SUGCT: variants seen among roughly 807,000 people sequenced by gnomAD.
SUGCT encodes succinyl-CoA:glutarate CoA-transferase.
Under a neutral mutation model 55.0 loss-of-function variants are expected in SUGCT, and 41 were observed. The ratio of observed to expected loss-of-function variants is 0.74; its 90% CI spans 0.58 to 0.97. The LOEUF is 0.97. Among genes scored for constraint, SUGCT ranks in the 50% least tolerant of loss-of-function variants. The probability of loss-of-function intolerance (pLI) is 0.00; values close to 1 mark genes in which losing one functional copy is unlikely to be tolerated. For synonymous variants in SUGCT, 187 were observed against 200.4 expected, an observed-to-expected ratio of 0.93 and a Z score of 0.56; for missense variants, 568 against 547.8, an observed-to-expected ratio of 1.04 and a Z score of -0.37.
chr7:41,029,994 G>A, the SUGCT span, among the ~76,000 whole-genome samples: 55 of 152,262 alleles, frequency 3.6e-4, no homozygotes, highest in Middle Eastern at 3.4e-3. Context: ...CAATGTTATA[G>A]AGTTGGACTC....
chr7:40,565,990 C>G (rs1796117369), intron 12 of SUGCT, among the ~76,000 whole-genome samples: 1 of 93,150 alleles, frequency 1.1e-5, no homozygotes, highest in Admixed American at 9.8e-5. Flanking sequence ...CACACACACA[C>G]ACGCACACAC....
At chr7:40,921,565 G>A in the SUGCT span, among the ~76,000 whole-genome samples, 1 of 152,212 alleles carries the variant, frequency 6.6e-6, no homozygotes, top group East Asian at 1.9e-4. Flanking sequence ...TCTTCACCTC[G>A]AAGAACTCCT....
At chr7:40,269,829 G>A (rs138301930) in intron 7 of SUGCT, among the ~76,000 whole-genome samples, 2 of 152,002 alleles carry the variant, frequency 1.3e-5, no homozygotes, top group South Asian at 2.1e-4. Flanking sequence ...TTATTTTTGC[G>A]TTGTAAGTGT....
intron 12 of SUGCT, among the ~76,000 whole-genome samples, chr7:40,666,055 G>A (rs865881776): frequency 6.6e-6 from 1 of 151,990 alleles, no homozygotes; most frequent in Admixed American, 6.6e-5. Flanking sequence ...TCTTGTGGCC[G>A]GAAGGAAAGA....
chr7:40,337,741 C>A (rs1398678608), intron 9 of SUGCT, among the ~76,000 whole-genome samples: 2 of 152,078 alleles, frequency 1.3e-5, no homozygotes, highest in Non-Finnish European at 2.9e-5. Context: ...GTATTTAGCC[C>A]ATTTACATTT....
At chr7:40,808,565 T>G (rs1584471302) in intron 13 of SUGCT, among the ~76,000 whole-genome samples, 1 of 152,208 alleles carries the variant, frequency 6.6e-6, no homozygotes, top group East Asian at 1.9e-4. Context: ...GTCCTTCCAT[T>G]GTCCAAACCT....
rs1442388021 is a variant in SUGCT at position 40,654,004 on chromosome 7, A to AG, written c.1090-95430_1090-95429insG. Among the ~76,000 whole-genome samples the AG allele has an allele frequency of 2.6e-5, 4 of 152,194 alleles. No individual in the cohort carries two copies. In the East Asian group the frequency reaches 7.7e-4, roughly 29 times the overall value. On this transcript the variant is annotated intron_variant, in intron 12 of 13. Coordinates refer to ENST00000335693, the MANE Select transcript of SUGCT (RefSeq NM_001193313.2). ...ACCACAACAACAACAATTAAAAAAA[A>AG]AAAGGATACCAAAAGGATATTTTGC... is the stretch of plus-strand genomic sequence containing the variant.
At chr7:40,812,921 A>G (rs1485384103) in intron 13 of SUGCT, among the ~76,000 whole-genome samples, 4 of 151,866 alleles carry the variant, frequency 2.6e-5, no homozygotes, top group Admixed American at 6.6e-5. Flanking sequence ...TTGTGACTCT[A>G]TTTTCATTTA....
chr7:40,334,736 C>T (rs574908204), intron 9 of SUGCT, among the ~76,000 whole-genome samples: 17 of 152,226 alleles, frequency 1.1e-4, no homozygotes, highest in Non-Finnish European at 2.4e-4. Context: ...TCTTTTGCTG[C>T]GCGGAAGCTC....
chr7:40,261,086 G>A (rs1475482079), intron 7 of SUGCT, among the ~76,000 whole-genome samples: 1 of 152,044 alleles, frequency 6.6e-6, no homozygotes, highest in Non-Finnish European at 1.5e-5. Flanking sequence ...ATGATTTCAG[G>A]GATATAAAGT....
At chr7:40,714,072 G>C (rs865892350) in intron 12 of SUGCT, among the ~76,000 whole-genome samples, 1 of 152,210 alleles carries the variant, frequency 6.6e-6, no homozygotes, top group South Asian at 2.1e-4. Flanking sequence ...GCTCATGCCT[G>C]TAATCCCAGC....
At chr7:40,745,972 G>A (rs998677664) in intron 12 of SUGCT, among the ~76,000 whole-genome samples, 2 of 152,180 alleles carry the variant, frequency 1.3e-5, no homozygotes, top group African/African-American at 4.8e-5. Flanking sequence ...AGAGGTTGGG[G>A]TGTTGGGGCC....
chr7:40,554,312 T>G (rs1049123155), intron 12 of SUGCT, among the ~76,000 whole-genome samples: 5 of 152,202 alleles, frequency 3.3e-5, no homozygotes, highest in Non-Finnish European at 5.9e-5. Flanking sequence ...TAACAACAGA[T>G]CTGGAGAGTT....
intron 11 of SUGCT, among the ~76,000 whole-genome samples, chr7:40,470,893 T>C (rs1457284821): frequency 6.6e-6 from 1 of 152,124 alleles, no homozygotes; most frequent in Non-Finnish European, 1.5e-5. Flanking sequence ...CTATTGTGAA[T>C]TGTTTTTCTT....
At chr7:41,007,763 A>T in the SUGCT span, among the ~76,000 whole-genome samples, 4 of 137,816 alleles carry the variant, frequency 2.9e-5, no homozygotes, top group Non-Finnish European at 4.6e-5. Context: ...AAAGCATGGA[A>T]TTTGCTTTAA....
In SUGCT at chr7:40,274,555, G is replaced by T; in HGVS notation, c.619G>T (p.Ala207Ser). Residue 207 changes from alanine to serine, a missense_variant, in exon 8 of 14, where the codon GCC (alanine) becomes TCC (serine). Ala to Ser is a moderately conservative substitution (Grantham distance 99, BLOSUM62 1). Transcript: ENST00000335693. ...VRPGVAMTDL[A>S]TGLYAYGAIM... is the part of the protein sequence containing the mutation. Reference sequence around the variant, plus strand: ...CCCAGGAGTAGCTATGACTGATCTTGCCACTGGCCTGTATGCATATGGAGC... The same window carrying T: ...CCCAGGAGTAGCTATGACTGATCTTTCCACTGGCCTGTATGCATATGGAGC... 6.2e-7 allele frequency: 1 copy of T among 1,613,670 alleles called. No individual in the cohort carries two copies. Among genetic ancestry groups the T allele is most frequent in the East Asian group, 2.2e-5 (1 of 44,846 alleles).
intron 8 of SUGCT, among the ~76,000 whole-genome samples, chr7:40,279,669 A>T (rs1014734869): frequency 1.3e-5 from 2 of 152,202 alleles, no homozygotes; most frequent in African/African-American, 4.8e-5. Context: ...TAATTATGAT[A>T]ACGTTTCATA....
intron 9 of SUGCT, among the ~76,000 whole-genome samples, chr7:40,344,361 TTTCGA>T (rs1797206426): frequency 6.6e-6 from 1 of 152,182 alleles, no homozygotes; most frequent in African/African-American, 2.4e-5. Context: ...TTTATTTCAT[TTTCGA>T]TATTGCAGGG....
intron 12 of SUGCT, among the ~76,000 whole-genome samples, chr7:40,519,127 C>T (rs1328867117): frequency 6.6e-6 from 1 of 151,946 alleles, no homozygotes; most frequent in Non-Finnish European, 1.5e-5. Context: ...TCAATCTAAT[C>T]GTGAGAAAAC....
Sources: gnomAD v4.1 joint callset for allele counts (sites outside exome capture counted in the v4.1 genomes callset) on GRCh38, gnomAD v4.1.1 for gene constraint, MANE v1.5 for transcripts, NCBI Gene and HGNC (gene_info 2026-07-23, HGNC 2026-07-21) for gene names.